The following CDH19 variants were observed in gnomAD, a reference collection of about 807,000 sequenced individuals.
CDH19 encodes the protein cadherin 19.
In CDH19, 67 loss-of-function variants were observed where a neutral mutation model predicts 64.2. That is an observed-to-expected ratio of 1.04 (90% CI 0.86 to 1.28). CDH19 has a LOEUF of 1.28. CDH19 is among the 50% of genes most tolerant of loss of function. The pLI is 0.00. For synonymous variants in CDH19, 346 were observed against 319.3 expected (o/e 1.08, Z -0.89); for missense variants, 1,030 against 929.0 (o/e 1.11, Z -1.41).
Position 66,521,525 on chromosome 18 carries a change from T to TA in CDH19, c.1458+8319_1458+8320insT, listed in dbSNP as rs1158647660. 2.7e-3 allele frequency among the ~76,000 whole-genome samples: 126 copies of TA among 47,326 alleles called. 1 individual carries two copies. The highest frequency in any genetic ancestry group is 0.038 in the Middle Eastern group (2 of 52). 31.0% of individuals were successfully genotyped at this position (47,326 alleles called of 152,430 possible). On this transcript the variant is annotated intron_variant, in intron 9 of 11. Transcript: ENST00000262150. ...GCCTTTATTTATTTATTTATTTATT[T>TA]TGTTTGTTTGTTTGTTTGTTTATTT...
chr18:66,595,024 A>G (rs1988847250), intron 1 of CDH19, among the ~76,000 whole-genome samples: 1 of 129,406 alleles, frequency 7.7e-6, no homozygotes, highest in Non-Finnish European at 1.9e-5. Context: ...ATAAAATTAA[A>G]TTAAAAAAAA....
chr18:66,530,653 T>A (rs1598985517), intron 8 of CDH19, among the ~76,000 whole-genome samples: 1 of 151,792 alleles, frequency 6.6e-6, no homozygotes, highest in Non-Finnish European at 1.5e-5. Context: ...CAAATTGATA[T>A]AAAAAAGACA....
Position 66,583,012 on chromosome 18 carries a change from CA to C in CDH19, c.-112-10697del, listed in dbSNP as rs1988469570. ...GTATTTCACTTTTTATTCCCCTCCA[CA>C]AACTATCAGACCATGATTTGCCCTT... On this transcript the variant is annotated intron_variant, in intron 1 of 11. Transcript: ENST00000262150. Among the ~76,000 whole-genome samples, 3 of 152,102 alleles carry C rather than the reference CA, an allele frequency of 2.0e-5. No homozygotes were observed. The South Asian group carries it at 6.2e-4, about 31-fold the overall frequency.
chr18:66,535,150 T>A, intron 7 of CDH19, 43 bp from the exon 8 acceptor site: 1 of 1,237,890 alleles, frequency 8.1e-7, no homozygotes, highest in Non-Finnish European at 1.1e-6. Flanking sequence ...TTATTCTATC[T>A]GCATAACAGT....
intron 1 of CDH19, among the ~76,000 whole-genome samples, chr18:66,600,529 TAC>T (rs915115888): frequency 6.6e-5 from 10 of 151,874 alleles, no homozygotes; most frequent in East Asian, 3.8e-4. Context: ...AAAAATGCAA[TAC>T]ACACACACGT....
At chr18:66,521,742 A>T (rs1206454189) in intron 9 of CDH19, among the ~76,000 whole-genome samples, 1 of 151,676 alleles carries the variant, frequency 6.6e-6, no homozygotes, top group Non-Finnish European at 1.5e-5. Flanking sequence ...TCACAGTGTG[A>T]AAGTCCAGTC....
rs1389715155 is a variant in CDH19 at position 66,511,699 on chromosome 18, G to C, written c.1459-14C>G. 1.6e-6 allele frequency: 2 copies of C among 1,249,598 alleles called. No individual in the cohort carries two copies. Among genetic ancestry groups the C allele is most frequent in the African/African-American group, 1.5e-5 (1 of 66,912 alleles). 77.4% of individuals were successfully genotyped at this position (1,249,598 alleles called of 1,614,324 possible). A position where few individuals can be genotyped will look rare whatever the true frequency, so the allele number is the denominator to read the frequency against. On this transcript the variant is annotated splice_polypyrimidine_tract_variant and intron_variant, in intron 9 of 11. Coordinates refer to ENST00000262150, the MANE Select transcript of CDH19 (RefSeq NM_021153.4). ...AGTCTGAATTACCTAAAAAAAAAGG[G>C]GGATAGATTTTTGTTGTTGTTTGGA...
chr18:66,602,632 T>C (rs1989064921), intron 1 of CDH19, among the ~76,000 whole-genome samples: 1 of 151,878 alleles, frequency 6.6e-6, no homozygotes, highest in Non-Finnish European at 1.5e-5. Flanking sequence ...TACTAATGTG[T>C]AAGACTGTAA....
chr18:66,554,114 C>A (rs1987431722), intron 4 of CDH19, among the ~76,000 whole-genome samples: 1 of 151,636 alleles, frequency 6.6e-6, no homozygotes, highest in African/African-American at 2.4e-5. Flanking sequence ...AATGTTTTTT[C>A]CCTATATTTT....
chr18:66,576,008 A>G (rs1176927576), intron 1 of CDH19, among the ~76,000 whole-genome samples: 2 of 151,734 alleles, frequency 1.3e-5, no homozygotes, highest in Non-Finnish European at 2.9e-5. Context: ...TAATAATGGT[A>G]CATGCGCATA....
At chr18:66,532,972 C>T (rs544762303) in intron 8 of CDH19, among the ~76,000 whole-genome samples, 15 of 152,118 alleles carry the variant, frequency 9.9e-5, no homozygotes, top group African/African-American at 3.1e-4. Context: ...TGCTTGACCA[C>T]ATAAAAAGGT....
Position 66,522,486 on chromosome 18 carries a change from G to A in CDH19, c.1458+7359C>T, listed in dbSNP as rs532217540. 2.6e-5 allele frequency among the ~76,000 whole-genome samples: 4 copies of A among 152,006 alleles called. No homozygotes were observed. The East Asian group carries it at 7.8e-4, about 30-fold the overall frequency. ...GCTGGTTTCGAACCCCTGACCTCAG[G>A]TGATCCACCTGCCTTGGCCTCCCAA... On this transcript the variant is annotated intron_variant, in intron 9 of 11. Coordinates refer to ENST00000262150, the MANE Select transcript of CDH19 (RefSeq NM_021153.4).
chr18:66,595,445 GA>G (rs145009709), intron 1 of CDH19, among the ~76,000 whole-genome samples: 3,768 of 46,246 alleles, frequency 0.081, 175 homozygotes, highest in African/African-American at 0.23. Context: ...GACTAATAAA[GA>G]AAAAAAAAAG....
chr18:66,571,139 G>A (rs548940649), intron 2 of CDH19, among the ~76,000 whole-genome samples: 9 of 151,392 alleles, frequency 5.9e-5, no homozygotes, highest in African/African-American at 1.7e-4. Flanking sequence ...CTCCCTGCAC[G>A]TTTGGAAATA....
At chr18:66,533,785 G>A (rs544571252) in intron 8 of CDH19, among the ~76,000 whole-genome samples, 23 of 151,970 alleles carry the variant, frequency 1.5e-4, no homozygotes, top group African/African-American at 5.6e-4. Flanking sequence ...AATTGCTATG[G>A]TGAAAGCTTT....
chr18:66,602,999 T>C (rs1989075065), intron 1 of CDH19, among the ~76,000 whole-genome samples: 1 of 151,164 alleles, frequency 6.6e-6, no homozygotes, highest in South Asian at 2.1e-4. Context: ...ATCTAAAACA[T>C]AAATATATAT....
At chr18:66,560,872 C>T (rs1352690022) in intron 3 of CDH19, among the ~76,000 whole-genome samples, 3 of 151,932 alleles carry the variant, frequency 2.0e-5, no homozygotes, top group Non-Finnish European at 4.4e-5. Context: ...GGTCTTACTC[C>T]ATTGGTGGAT....
rs150231193 is a variant in CDH19 at position 66,539,152 on chromosome 18, C to T, written c.1215-4045G>A. On this transcript the variant is annotated intron_variant, in intron 7 of 11. Coordinates refer to ENST00000262150, the MANE Select transcript of CDH19 (RefSeq NM_021153.4). The stretch of plus-strand genomic sequence containing the variant: ...TCTTGTATCTTTCTGCCTTGATAAA[C>T]TCACATATTACTGGGCATTTTTGTG... Among the ~76,000 whole-genome samples the T allele has an allele frequency of 3.4e-4, 52 of 152,248 alleles. 1 individual carries two copies. In the East Asian group the frequency reaches 3.5e-3, roughly 10 times the overall value.
At chr18:66,548,265 T>A (rs1987209701) in intron 5 of CDH19, among the ~76,000 whole-genome samples, 1 of 136,694 alleles carries the variant, frequency 7.3e-6, no homozygotes, top group African/African-American at 2.9e-5. Flanking sequence ...ATATATATTT[T>A]TTTAAAAATA....
Sources: allele counts gnomAD v4.1 joint callset (sites outside exome capture counted in the v4.1 genomes callset), GRCh38; gene constraint gnomAD v4.1.1; transcripts MANE v1.5; gene names NCBI Gene and HGNC (gene_info 2026-07-23, HGNC 2026-07-21).